KIFC2: variants seen among roughly 807,000 people sequenced by gnomAD.
KIFC2 encodes the protein kinesin-like protein KIFC2.
A neutral mutation model predicts 91.5 loss-of-function variants in KIFC2; 94 were observed. That is an observed-to-expected ratio of 1.03 (90% CI 0.87 to 1.22). The LOEUF is 1.22. Ranked by LOEUF, KIFC2 falls within the 50% of genes most tolerant of loss-of-function variation. KIFC2 has a pLI of 0.00. For missense variants in KIFC2, 1,357 were observed against 1,103.3 expected, an observed-to-expected ratio of 1.23 and a Z score of -3.26; for synonymous variants, 729 against 503.9, an observed-to-expected ratio of 1.45 and a Z score of -5.98.
At position 144,468,001 on chromosome 8, in the gene KIFC2, G is replaced by A. The variant is rs1018887876; in HGVS notation, c.810+14G>A. The A allele has an allele frequency of 7.9e-6, 12 of 1,527,602 alleles. No homozygotes were observed. Among genetic ancestry groups the A allele is most frequent in the South Asian group, 7.5e-5 (6 of 80,242 alleles). 94.6% of individuals were successfully genotyped at this position (1,527,602 alleles called of 1,614,324 possible). A position where few individuals can be genotyped will look rare whatever the true frequency, so the allele number is the denominator to read the frequency against. On this transcript the variant is annotated intron_variant, in intron 7 of 17. Transcript: ENST00000645548. ...AGGGCTCCGCAGGTACTCTGCTCCC[G>A]AGCTGCAGCCGTTCCTGCAGCCTGG...
At chr8:144,466,565 C>A in intron 1 of KIFC2, 47 bp downstream of exon 1, 1 of 1,034,788 alleles carries the variant, frequency 9.7e-7, no homozygotes, top group Non-Finnish European at 1.2e-6. Context: ...CCGCCTGCCC[C>A]ACCCCCACGC....
chr8:144,470,041 C>T (rs746638618), intron 12 of KIFC2, among the ~76,000 whole-genome samples: 11 of 152,264 alleles, frequency 7.2e-5, no homozygotes, highest in Non-Finnish European at 1.3e-4. Context: ...CTGCCAGACA[C>T]CTGTGGAAAA....
At chr8:144,468,968 G>C in intron 10 of KIFC2, 134 bp downstream of exon 10, 1 of 706,670 alleles carries the variant, frequency 1.4e-6, no homozygotes, top group Non-Finnish European at 2.4e-6. Context: ...GTGTGACCCA[G>C]GGTGGGATTC....
intron 14 of KIFC2, 32 bp downstream of exon 14, chr8:144,472,291 C>T (rs750451351): frequency 6.2e-7 from 1 of 1,613,448 alleles, no homozygotes; most frequent in Non-Finnish European, 8.5e-7. Context: ...GCCTTCTCCC[C>T]ACCCCTGGCC....
rs779043012 is a variant in KIFC2 at position 144,466,752 on chromosome 8, C to T, written c.100-8C>T. 4 of 1,525,856 alleles carry T rather than the reference C, an allele frequency of 2.6e-6. No individual in the cohort carries two copies. The highest frequency in any genetic ancestry group is 2.3e-4 in the Middle Eastern group (1 of 4,354). The allele number at this position is 1,525,856 out of a possible 1,614,324, so 94.5% of individuals were successfully genotyped here. The stretch of plus-strand genomic sequence containing the variant: ...CCCTCCTCAGGGGCGCCCCTGCCCC[C>T]TCCCTAGAGAGCCCGCAAGCCCCGG... On this transcript the variant is annotated splice_polypyrimidine_tract_variant and splice_region_variant and intron_variant, in intron 1 of 17. Coordinates refer to ENST00000645548, the MANE Select transcript of KIFC2 (RefSeq NM_001369769.2).
chr8:144,470,970 T>C (rs1824901165), intron 12 of KIFC2, among the ~76,000 whole-genome samples: 3 of 151,858 alleles, frequency 2.0e-5, no homozygotes, highest in Admixed American at 1.3e-4. Context: ...TCTTTTTTTT[T>C]TCTTTATTTT....
chr8:144,469,362 G>GGCTGCC lies in KIFC2; in HGVS notation c.1206_1211dup (p.Leu403_Pro404dup). 6.2e-7 allele frequency: 1 copy of GGCTGCC among 1,610,422 alleles called. No individual in the cohort carries two copies. Among genetic ancestry groups the GGCTGCC allele is most frequent in the Admixed American group, 1.7e-5 (1 of 59,330 alleles). ...GGGCCCCCAGCCGGATGCCCAGGGC[G>GGCTGCC]GCTGCCAGAACTCAAGGGTATGACA... On this transcript the variant is annotated inframe_insertion, in exon 11 of 18. Transcript: ENST00000645548.
chr8:144,473,034 G>A lies in KIFC2; in HGVS notation c.2101G>A (p.Ala701Thr). 1 of 1,415,796 alleles carries A rather than the reference G, an allele frequency of 7.1e-7. No homozygotes were observed. The highest frequency in any genetic ancestry group is 9.2e-7 in the Non-Finnish European group (1 of 1,092,586). 87.7% of individuals were successfully genotyped at this position (1,415,796 alleles called of 1,614,324 possible). A position where few individuals can be genotyped will look rare whatever the true frequency, so the allele number is the denominator to read the frequency against. Residue 701 changes from alanine to threonine, a missense_variant, in exon 17 of 18, where the codon GCG becomes ACG. Transcript: ENST00000645548. ...LQPALGPGTT[A>T]VLLLQISTRP... Reference sequence around the variant, plus strand: ...GCCGGCGCTGGGCCCAGGCACCACCGCGGTGCTGCTGCTGCAGGTGGGCGC... The same window carrying A: ...GCCGGCGCTGGGCCCAGGCACCACCACGGTGCTGCTGCTGCAGGTGGGCGC...
rs550048193 is a variant in KIFC2, at chr8:144,472,437, G to T, written c.1684G>T (p.Ala562Ser). Residue 562 changes from alanine (A) to serine (S), a missense_variant, in exon 15 of 18, where the codon GCT becomes TCT. Physicochemically the swap from Ala to Ser is moderately conservative, Grantham distance 99. Transcript: ENST00000645548. ...GPEGQGGIQV[A>S]GLTHWDVPNL... ...AGAAGGCCAGGGCGGGATCCAGGTG[G>T]CTGGCCTCACCCACTGGGACGTGCC... 2.5e-6 allele frequency: 4 copies of T among 1,612,668 alleles called. 2 individuals carry two copies. In the South Asian group the frequency reaches 4.4e-5, roughly 18 times the overall value.
chr8:144,470,610 C>T (rs546502347), intron 12 of KIFC2: 23 of 152,410 alleles, frequency 1.5e-4, no homozygotes, highest in African/African-American at 4.8e-4. Context: ...CTGTTAGCAG[C>T]GACCTTCTGG....
At chr8:144,467,402 G>T in intron 4 of KIFC2, 61 bp downstream of exon 4, 1 of 1,546,638 alleles carries the variant, frequency 6.5e-7, no homozygotes, top group South Asian at 1.2e-5. Flanking sequence ...GGTAGAACCT[G>T]GGCGGCCTGG....
chr8:144,473,499 T>A lies in KIFC2; in HGVS notation c.*110T>A. The A allele has an allele frequency of 1.4e-6, 2 of 1,418,272 alleles. No individual in the cohort carries two copies. Among genetic ancestry groups the A allele is most frequent in the Non-Finnish European group, 1.8e-6 (2 of 1,085,422 alleles). 87.9% of individuals were successfully genotyped at this position (1,418,272 alleles called of 1,614,324 possible). On this transcript the variant is annotated 3_prime_UTR_variant, in exon 18 of 18. Transcript: ENST00000645548. Reference sequence around the variant, plus strand: ...CAGGGCACAAGCTCCCTAGCCTCTTTGGATCCATTGCCCCTGAGCTCCCAG... The same window carrying A: ...CAGGGCACAAGCTCCCTAGCCTCTTAGGATCCATTGCCCCTGAGCTCCCAG...
chr8:144,474,018 G>C lies in KIFC2; in HGVS notation c.*629G>C, dbSNP rs1191892055. The C allele has an allele frequency of 7.0e-6, 4 of 572,506 alleles. No individual in the cohort carries two copies. The highest frequency in any genetic ancestry group is 6.2e-5 in the Admixed American group (2 of 32,270). The allele number at this position is 572,506 out of a possible 1,614,324, so 35.5% of individuals were successfully genotyped here. On this transcript the variant is annotated 3_prime_UTR_variant, in exon 18 of 18. Transcript: ENST00000645548. ...GCCCTGCTCCTGCAGCTTTGCCGCTGAGTGTAGGAAAAACAGGCATGACAG... is the reference window on the plus strand; with the variant it reads ...GCCCTGCTCCTGCAGCTTTGCCGCTCAGTGTAGGAAAAACAGGCATGACAG...
At chr8:144,468,859 C>G (rs765562886) in intron 10 of KIFC2, 25 bp downstream of exon 10, 18 of 1,581,954 alleles carry the variant, frequency 1.1e-5, no homozygotes, top group Admixed American at 1.7e-5. Context: ...CCGCCTAGCC[C>G]CTCCTCTCTG....
intron 12 of KIFC2, among the ~76,000 whole-genome samples, chr8:144,471,657 G>A (rs889037263): frequency 3.3e-5 from 5 of 152,098 alleles, no homozygotes; most frequent in African/African-American, 1.2e-4. Flanking sequence ...GCTGTCCCCA[G>A]GTCTCCTACG....
chr8:144,467,859 G>T lies in KIFC2; in HGVS notation c.682G>T (p.Gly228Trp), dbSNP rs1434960713. The change falls in exon 7 of 18, where the codon GGG becomes TGG. Residue 228 changes from glycine (G) to tryptophan (W), a missense_variant and splice_region_variant. Physicochemically the swap from Gly to Trp is radical, Grantham distance 184. Transcript: ENST00000645548. ...AGTGCCGAGGTTTCCTCTCCACCAG[G>T]GGGCGACGGACTCAGAGAAAAGGGT... ...EELGRLRLGV[G>W]ATDSEKRVQH... 2.5e-6 allele frequency: 4 copies of T among 1,613,362 alleles called. No homozygotes were observed. The Admixed American group carries it at 6.7e-5, about 27-fold the overall frequency.
chr8:144,467,151 C>T (rs368346790), intron 3 of KIFC2, 41 bp downstream of exon 3: 4 of 1,612,380 alleles, frequency 2.5e-6, no homozygotes, highest in African/African-American at 1.3e-5. Flanking sequence ...TACCACCTGC[C>T]CCGGCCTTCC....
chr8:144,469,790 C>T (rs553499613), intron 12 of KIFC2, 143 bp downstream of exon 12: 7 of 1,082,854 alleles, frequency 6.5e-6, no homozygotes, highest in South Asian at 3.3e-5. Context: ...GGAAAGGGAA[C>T]CGAGGGGGCT....
At chr8:144,467,411 G>T in intron 4 of KIFC2, 70 bp downstream of exon 4, 1 of 1,544,042 alleles carries the variant, frequency 6.5e-7, no homozygotes, top group Non-Finnish European at 8.7e-7. Flanking sequence ...TGGGCGGCCT[G>T]GAGTTCGGGG....
Sources: allele counts gnomAD v4.1 joint callset (sites outside exome capture counted in the v4.1 genomes callset), GRCh38; gene constraint gnomAD v4.1.1; transcripts MANE v1.5; gene names NCBI Gene and HGNC (gene_info 2026-07-23, HGNC 2026-07-21).